The following SOX5 variants were observed in gnomAD, a reference collection of about 807,000 sequenced individuals.
The protein encoded by SOX5 is transcription factor SOX-5.
A neutral mutation model predicts 92.0 loss-of-function variants in SOX5; 9 were observed. The observed-to-expected ratio is 0.10, with a 90% confidence interval of 0.06 to 0.17. SOX5 has a LOEUF of 0.17. SOX5 is among the 10% of genes least tolerant of loss of function. The pLI is 1.00. For synonymous variants in SOX5, 344 were observed against 336.3 expected (o/e 1.02, Z -0.25); for missense variants, 642 against 944.5 (o/e 0.68, Z 4.20).
At position 23,895,814 on chromosome 12, in the gene SOX5, G is replaced by A; in HGVS notation, c.249C>T (p.Pro83=). The A allele has an allele frequency of 6.2e-7, 1 of 1,612,318 alleles. No individual in the cohort carries two copies. The highest frequency in any genetic ancestry group is 1.1e-5 in the South Asian group (1 of 91,054). ...LTQETCGHRT[P]TSQHNTMEVD... ...CTACCATTGTATTGTGCTGAGAAGT[G>A]GGAGTCCTATGGCCACAAGTCTCTT... Residue 83 remains proline, a synonymous_variant, in exon 2 of 15, where the codon CCC becomes CCT. Transcript: ENST00000451604.
intron 2 of SOX5, among the ~76,000 whole-genome samples, chr12:24,361,945 A>T (rs548805983): frequency 6.6e-6 from 1 of 152,352 alleles, no homozygotes; most frequent in African/African-American, 2.4e-5. Flanking sequence ...GGATGGGCAG[A>T]GACTGGAGTG....
chr12:24,298,908 G>A (rs1248500913), intron 2 of SOX5, among the ~76,000 whole-genome samples: 1 of 151,530 alleles, frequency 6.6e-6, no homozygotes, highest in Non-Finnish European at 1.5e-5. Flanking sequence ...CTAGTTTTCA[G>A]TATGTAAAAT....
At chr12:24,064,840 G>A (rs1940385851) in intron 4 of SOX5, among the ~76,000 whole-genome samples, 1 of 152,132 alleles carries the variant, frequency 6.6e-6, no homozygotes, top group Admixed American at 6.5e-5. Context: ...TAATACATAA[G>A]GATGGGTTCA....
chr12:24,188,510 T>C (rs1001230471), intron 4 of SOX5, among the ~76,000 whole-genome samples: 1 of 152,144 alleles, frequency 6.6e-6, no homozygotes, highest in African/African-American at 2.4e-5. Context: ...GAAGTACATC[T>C]GAACTGAGTC....
At chr12:23,539,073 G>A (rs555686377) in intron 13 of SOX5, among the ~76,000 whole-genome samples, 2 of 151,874 alleles carry the variant, frequency 1.3e-5, no homozygotes, top group African/African-American at 4.8e-5. Flanking sequence ...CCAAAGTGCC[G>A]GGATTACAGG....
rs1038099986 is a variant in SOX5 at position 24,208,299 on chromosome 12, T to G, written c.-2+5044A>C. On this transcript the variant is annotated intron_variant, in intron 4 of 4. Coordinates refer to the SOX5 transcript ENST00000446891. ...GCACAGCCCTAATCATCACCCTACT[T>G]TCCCAAGACAAACAAAAAGTTTTAA... Among the ~76,000 whole-genome samples the G allele has an allele frequency of 4.6e-5, 7 of 152,300 alleles. No individual in the cohort carries two copies. In the South Asian group the frequency reaches 1.5e-3, roughly 32 times the overall value.
At chr12:23,827,464 G>A (rs1380078715) in intron 3 of SOX5, among the ~76,000 whole-genome samples, 1 of 152,160 alleles carries the variant, frequency 6.6e-6, no homozygotes, top group Non-Finnish European at 1.5e-5. Context: ...TATTGACCAA[G>A]AATAGCACAC....
intron 4 of SOX5, among the ~76,000 whole-genome samples, chr12:23,961,678 A>G (rs1329194867): frequency 6.6e-6 from 1 of 152,168 alleles, no homozygotes; most frequent in Non-Finnish European, 1.5e-5. Flanking sequence ...CCACTCACCT[A>G]TAAGCTATAT....
intron 2 of SOX5, among the ~76,000 whole-genome samples, chr12:23,856,229 G>T (rs2096687650): frequency 6.6e-6 from 1 of 152,012 alleles, no homozygotes; most frequent in Non-Finnish European, 1.5e-5. Flanking sequence ...AAAATATTAG[G>T]TTCTCTGCAA....
At chr12:24,194,377 AG>A (rs1222110465) in intron 4 of SOX5, among the ~76,000 whole-genome samples, 2 of 152,108 alleles carry the variant, frequency 1.3e-5, no homozygotes, top group East Asian at 3.9e-4. Context: ...CACAACATGC[AG>A]GTGTCTGTAT....
At chr12:24,202,204 T>C (rs1178724167) in intron 4 of SOX5, among the ~76,000 whole-genome samples, 1 of 152,194 alleles carries the variant, frequency 6.6e-6, no homozygotes, top group African/African-American at 2.4e-5. Flanking sequence ...CAGTGTAACA[T>C]ACCTATCACT....
At chr12:24,194,777 G>A (rs1956855136) in intron 4 of SOX5, among the ~76,000 whole-genome samples, 1 of 151,956 alleles carries the variant, frequency 6.6e-6, no homozygotes, top group South Asian at 2.1e-4. Context: ...TAGGAGTTCA[G>A]CATAAATCAT....
chr12:23,584,418 G>T (rs776922684), intron 9 of SOX5: 13 of 756,174 alleles, frequency 1.7e-5, no homozygotes, highest in Non-Finnish European at 2.8e-5. Flanking sequence ...CTGGTTATAC[G>T]CAGATAGGCC....
intron 3 of SOX5, chr12:24,230,738 C>T (rs900478539): frequency 1.3e-5 from 2 of 152,152 alleles, no homozygotes; most frequent in African/African-American, 4.8e-5. Context: ...GAGTAACATA[C>T]CCTCTTAGAT....
chr12:23,910,909 C>A (rs1253891436), intron 1 of SOX5, among the ~76,000 whole-genome samples: 2 of 152,156 alleles, frequency 1.3e-5, no homozygotes, highest in Non-Finnish European at 2.9e-5. Context: ...TTCAGATCCA[C>A]CTCTTCACAA....
At chr12:24,260,581 C>A (rs1197249725) in intron 3 of SOX5, among the ~76,000 whole-genome samples, 1 of 152,054 alleles carries the variant, frequency 6.6e-6, no homozygotes, top group African/African-American at 2.4e-5. Context: ...TAACAGAGCT[C>A]CTGCAAAGTG....
rs71444197 is a variant in SOX5 at position 23,643,086 on chromosome 12, CAAAAAAAAAAA to C, written c.932-2200_932-2190del. On this transcript the variant is annotated intron_variant, in intron 7 of 14. Transcript: ENST00000451604. ...TGGGCGACAGAGCGAGACTCCGTCT[CAAAAAAAAAAA>C]AAAAAAAAAAAGGTAATTATGGTCA... is the stretch of plus-strand genomic sequence containing the variant. Among the ~76,000 whole-genome samples the C allele has an allele frequency of 2.1e-3, 129 of 62,608 alleles. 1 individual carries two copies. The highest frequency in any genetic ancestry group is 7.1e-3 in the African/African-American group (122 of 17,182). 41.1% of individuals were successfully genotyped at this position (62,608 alleles called of 152,430 possible).
In SOX5 at chr12:23,734,756, T is replaced by C. The variant is rs2093523135; in HGVS notation, c.742-4A>G. On this transcript the variant is annotated splice_region_variant and splice_polypyrimidine_tract_variant and intron_variant, in intron 5 of 14. Coordinates refer to ENST00000451604, the MANE Select transcript of SOX5 (RefSeq NM_006940.6). ...GCTGCTGCTGCTGTCTTGCAATCTG[T>C]GAAGAAATTGCACATGAGAAATTTA... 1 of 1,611,880 alleles carries C rather than the reference T, an allele frequency of 6.2e-7. No homozygotes were observed.
chr12:23,595,303 C>T (rs1239078020), intron 9 of SOX5, among the ~76,000 whole-genome samples: 1 of 151,946 alleles, frequency 6.6e-6, no homozygotes, highest in East Asian at 1.9e-4. Flanking sequence ...GATTAAACCA[C>T]ACATGAAATC....
Sources: allele counts gnomAD v4.1 joint callset (sites outside exome capture counted in the v4.1 genomes callset), GRCh38; gene constraint gnomAD v4.1.1; transcripts MANE v1.5; gene names NCBI Gene and HGNC (gene_info 2026-07-23, HGNC 2026-07-21).